SLCO4A1: variants seen among roughly 807,000 people sequenced by gnomAD.
The protein encoded by SLCO4A1 is colon organic anion transporter.
Under a neutral mutation model 64.6 loss-of-function variants are expected in SLCO4A1, and 51 were observed. The ratio of observed to expected loss-of-function variants is 0.79; its 90% CI spans 0.63 to 1.00. The LOEUF (loss-of-function observed/expected upper bound fraction) is 1.00. Among genes scored for constraint, SLCO4A1 ranks in the 50% least tolerant of loss-of-function variants. The pLI is 0.00. For missense variants in SLCO4A1, 919 were observed against 980.5 expected, an observed-to-expected ratio of 0.94 and a Z score of 0.84; for synonymous variants, 471 against 444.9, an observed-to-expected ratio of 1.06 and a Z score of -0.74.
At chr20:62,666,112 C>CCCG (rs1986216138) in intron 6 of SLCO4A1, 1 of 82,572 alleles carries the variant, frequency 1.2e-5, no homozygotes, top group African/African-American at 4.4e-5. Context: ...CCCGCCCCGC[C>CCCG]CCCCCGCTCC....
intron 2 of SLCO4A1, among the ~76,000 whole-genome samples, chr20:62,681,634 G>A (rs17318097): frequency 0.033 from 5,043 of 152,260 alleles, 137 homozygotes; most frequent in South Asian, 0.097. Flanking sequence ...GACTGTGCTC[G>A]AATATCCATG....
chr20:62,658,601 G>A, intron 2 of SLCO4A1, 76 bp from the exon 3 acceptor site: 19 of 1,200,866 alleles, frequency 1.6e-5, no homozygotes, highest in Non-Finnish European at 2.1e-5. Context: ...GCTTCTCCCA[G>A]GCACGGGGCC....
In SLCO4A1 at chr20:62,667,576, C is replaced by T. The variant is rs1227521331; in HGVS notation, c.1473-169C>T. 7.0e-6 allele frequency: 5 copies of T among 715,142 alleles called. No individual in the cohort carries two copies. In the East Asian group the frequency reaches 1.3e-4, roughly 19 times the overall value. The allele number at this position is 715,142 out of a possible 1,614,324, so 44.3% of individuals were successfully genotyped here. On this transcript the variant is annotated intron_variant, in intron 7 of 11. Transcript: ENST00000217159. ...GAAAAACCATTCTATCACCAGAAGG[C>T]AGTGCCCAGTGTGAGTGCCCAGCGT...
intron 1 of SLCO4A1, among the ~76,000 whole-genome samples, chr20:62,653,684 A>C (rs1000909871): frequency 6.6e-6 from 1 of 152,146 alleles, no homozygotes; most frequent in African/African-American, 2.4e-5. Context: ...GGCCCTCCTC[A>C]GGCCTCTGTC....
chr20:62,642,863 A>AGCAGGGGCTGCGGCCCTG, intron 1 of SLCO4A1: 1 of 341,552 alleles, frequency 2.9e-6, no homozygotes. Context: ...GAAGCGGGTG[A>AGCAGGGGCTGCGGCCCTG]GCAGGGGCTG....
Position 62,661,321 on chromosome 20 carries a change from G to A in SLCO4A1, c.1121+146G>A. The A allele has an allele frequency of 3.1e-6, 2 of 637,260 alleles. No homozygotes were observed. Among genetic ancestry groups the A allele is most frequent in the Admixed American group, 2.5e-5 (1 of 40,094 alleles). 39.5% of individuals were successfully genotyped at this position (637,260 alleles called of 1,614,324 possible). On this transcript the variant is annotated intron_variant, in intron 5 of 11. Coordinates refer to ENST00000217159, the MANE Select transcript of SLCO4A1 (RefSeq NM_016354.4). This position sits in a 1 kb window ranked among gnomAD's most constrained non-coding sequence, Gnocchi z 5.2. ...TGACCCTGGGCCAAGAGATTAAGGA[G>A]CAACAGATAGAGCCTCTGGGCCAGG...
chr20:62,649,832 A>G (rs1292686408), intron 1 of SLCO4A1: 1 of 152,310 alleles, frequency 6.6e-6, no homozygotes, highest in Non-Finnish European at 1.5e-5. Flanking sequence ...ATCTGGCCTC[A>G]TCAGCAGGTG....
At chr20:62,651,062 C>A (rs2250931) in intron 1 of SLCO4A1, among the ~76,000 whole-genome samples, 1 of 151,982 alleles carries the variant, frequency 6.6e-6, no homozygotes, top group Non-Finnish European at 1.5e-5. Context: ...CCTCATCGCC[C>A]TGAGAGTCCA....
downstream of SLCO4A1, among the ~76,000 whole-genome samples, chr20:62,689,959 G>A (rs1232260515): frequency 3.3e-5 from 5 of 152,242 alleles, no homozygotes; most frequent in Admixed American, 3.3e-4. Context: ...CCCAGGGGCT[G>A]AGTCGACGCC....
chr20:62,685,088 GAGGTTGGGGCACGTGTGACC>G lies in SLCO4A1; in HGVS notation n.212-350_212-331del, dbSNP rs1450026085. 6.6e-6 allele frequency among the ~76,000 whole-genome samples: 1 copy of G among 152,088 alleles called. No homozygotes were observed. The highest frequency in any genetic ancestry group is 1.5e-5 in the Non-Finnish European group (1 of 68,002). On this transcript the variant is annotated intron_variant and non_coding_transcript_variant, in intron 2 of 2. Transcript: ENST00000466818. This position sits in a 1 kb window ranked among gnomAD's most constrained non-coding sequence, Gnocchi z 4.6. ...GAGGCCACAGTGCATGGAGTGCATG[GAGGTTGGGGCACGTGTGACC>G]AGCCAGGGTCATAAAACACACATGG... is the stretch of plus-strand genomic sequence containing the variant.
chr20:62,658,617 C>T (rs1470950258), intron 2 of SLCO4A1, 60 bp from the exon 3 acceptor site: 19 of 1,387,374 alleles, frequency 1.4e-5, no homozygotes, highest in South Asian at 5.0e-5. Flanking sequence ...GGGCCCCACA[C>T]GGCCCTCCGC....
downstream of SLCO4A1, among the ~76,000 whole-genome samples, chr20:62,689,931 C>T (rs1420292300): frequency 1.3e-5 from 2 of 152,210 alleles, no homozygotes; most frequent in Non-Finnish European, 2.9e-5. Flanking sequence ...GCGGGGGACC[C>T]GCGTCCCCAC....
rs576272591 is a variant in SLCO4A1, at chr20:62,656,943, C to T, written c.489C>T (p.Phe163=). Reference sequence around the variant, plus strand: ...TCTGCCTCACCTTCGTCAGCTACTTCGGGGGCTCAGGGCACAAGCCGCGCT... The same window carrying T: ...TCTGCCTCACCTTCGTCAGCTACTTTGGGGGCTCAGGGCACAAGCCGCGCT... ...ACLCLTFVSY[F]GGSGHKPRWL... is the part of the protein sequence containing the mutation. The change falls in exon 2 of 12, where the codon TTC becomes TTT. Residue 163 remains phenylalanine, a synonymous_variant. Transcript: ENST00000217159. The T allele has an allele frequency of 1.2e-5, 19 of 1,564,050 alleles. No homozygotes were observed. The highest frequency in any genetic ancestry group is 2.4e-5 in the South Asian group (2 of 83,996).
intron 4 of SLCO4A1, 79 bp from the exon 5 acceptor site, chr20:62,660,985 G>T (rs997811178): frequency 6.1e-6 from 6 of 981,552 alleles, no homozygotes; most frequent in East Asian, 2.6e-5. Context: ...GCAGAGGAGT[G>T]GGGGCAGAGC....
At chr20:62,686,034 C>T (rs139483631), downstream of SLCO4A1, among the ~76,000 whole-genome samples, 1,735 of 152,178 alleles carry the variant, frequency 0.011, 31 homozygotes, top group South Asian at 0.04. Context: ...AGGTACCCTC[C>T]GGGGACTGGG....
downstream of SLCO4A1, among the ~76,000 whole-genome samples, chr20:62,673,475 G>A (rs563999518): frequency 6.3e-5 from 9 of 143,662 alleles, 1 homozygote; most frequent in East Asian, 1.6e-3. Context: ...TGCCTCCTCC[G>A]GGTGTCACTG....
chr20:62,676,712 C>A (rs1300349562), downstream of SLCO4A1, among the ~76,000 whole-genome samples: 1 of 152,292 alleles, frequency 6.6e-6, no homozygotes. Flanking sequence ...ATGGCACAGC[C>A]GCTTTGGAAA....
In SLCO4A1 at chr20:62,656,389, C is replaced by T. The variant is rs1983714982; in HGVS notation, c.-66C>T. 7.2e-7 allele frequency: 1 copy of T among 1,381,390 alleles called. No homozygotes were observed. The highest frequency in any genetic ancestry group is 2.5e-5 in the East Asian group (1 of 39,640). 85.6% of individuals were successfully genotyped at this position (1,381,390 alleles called of 1,614,324 possible). Reference sequence around the variant, plus strand: ...ACCAGCCCCTCGGATACCACTTGGCCACTCCCGCTGAGGCCACTCCCACTG... The same window carrying T: ...ACCAGCCCCTCGGATACCACTTGGCTACTCCCGCTGAGGCCACTCCCACTG... On this transcript the variant is annotated 5_prime_UTR_variant, in exon 2 of 12. Coordinates refer to ENST00000217159, the MANE Select transcript of SLCO4A1 (RefSeq NM_016354.4).
At chr20:62,675,644 G>A (rs922528149), downstream of SLCO4A1, among the ~76,000 whole-genome samples, 7 of 152,234 alleles carry the variant, frequency 4.6e-5, no homozygotes, top group African/African-American at 7.2e-5. Flanking sequence ...AGTGCAGGGA[G>A]CGTGTGGCTC....
Sources: gnomAD v4.1 joint callset for allele counts (sites outside exome capture counted in the v4.1 genomes callset) on GRCh38, gnomAD v4.1.1 for gene constraint, Gnocchi (gnomAD v3.1) non-coding constraint, MANE v1.5 for transcripts, NCBI Gene and HGNC (gene_info 2026-07-23, HGNC 2026-07-21) for gene names.